CSDE1: variants seen among roughly 807,000 people sequenced by gnomAD.
CSDE1 encodes the protein cold shock domain containing E1.
Under a neutral mutation model 89.3 loss-of-function variants are expected in CSDE1, and 17 were observed. The ratio of observed to expected loss-of-function variants is 0.19; its 90% CI spans 0.13 to 0.29. The LOEUF is 0.29. CSDE1 is among the 10% of genes least tolerant of loss of function. The probability of loss-of-function intolerance (pLI) is 1.00; values close to 1 mark genes in which losing one functional copy is unlikely to be tolerated. For synonymous variants in CSDE1, 322 were observed against 332.8 expected, an observed-to-expected ratio of 0.97 and a Z score of 0.35; for missense variants, 672 against 984.2, an observed-to-expected ratio of 0.68 and a Z score of 4.24.
In CSDE1 at chr1:114,730,696, G is replaced by T. The variant is rs770467388; in HGVS notation, c.1051-48C>A. ...ACTGGCTGTGAAACTTGTCAAGAAG[G>T]CAACATTCAACTTTACAACCACCAT... On this transcript the variant is annotated intron_variant, in intron 10 of 19. Coordinates refer to ENST00000358528, the MANE Select transcript of CSDE1 (RefSeq NM_001007553.3). The T allele has an allele frequency of 1.9e-6, 3 of 1,603,586 alleles. No homozygotes were observed. In the African/African-American group the frequency reaches 4.0e-5, roughly 21 times the overall value.
intron 15 of CSDE1, 79 bp from the exon 16 acceptor site, chr1:114,724,081 A>G: frequency 1.3e-6 from 2 of 1,492,894 alleles, no homozygotes; most frequent in Non-Finnish European, 1.8e-6. Context: ...AAAAAATAAC[A>G]GCACAAATGT....
At chr1:114,727,259 C>T (rs1016883753) in intron 12 of CSDE1, among the ~76,000 whole-genome samples, 169 bp from the exon 13 acceptor site, 4 of 152,152 alleles carry the variant, frequency 2.6e-5, no homozygotes, top group African/African-American at 9.7e-5. Context: ...GGTAGTCTTG[C>T]CTTAAGCCTA....
intron 16 of CSDE1, among the ~76,000 whole-genome samples, chr1:114,721,526 A>G (rs1267999928): frequency 6.6e-6 from 1 of 152,206 alleles, no homozygotes; most frequent in African/African-American, 2.4e-5. Context: ...AAAACATGAG[A>G]AAAACAGGTG....
intron 17 of CSDE1, 146 bp downstream of exon 17, chr1:114,720,393 G>T: frequency 1.4e-6 from 1 of 723,762 alleles, no homozygotes; most frequent in Non-Finnish European, 2.2e-6. Flanking sequence ...TTTTTATTAA[G>T]CTACCTCAAA....
At chr1:114,730,795 A>G in intron 10 of CSDE1, 147 bp from the exon 11 acceptor site, 1 of 948,804 alleles carries the variant, frequency 1.1e-6, no homozygotes, top group South Asian at 1.7e-5. Flanking sequence ...TTCTCACTTA[A>G]GTACAAACTC....
At chr1:114,757,317 T>C (rs139175709) in intron 1 of CSDE1, among the ~76,000 whole-genome samples, 86 of 152,192 alleles carry the variant, frequency 5.7e-4, no homozygotes, top group Non-Finnish European at 7.8e-4. Flanking sequence ...GATATCTAGA[T>C]GGAGCAGGGT....
At chr1:114,757,814 C>T (rs1661700893) in intron 1 of CSDE1, 111 bp downstream of exon 1, 2 of 152,932 alleles carry the variant, frequency 1.3e-5, no homozygotes, top group Middle Eastern at 3.4e-3. Flanking sequence ...CCACCTAGAG[C>T]TCTACGAGTG....
intron 2 of CSDE1, chr1:114,741,712 T>A: frequency 1.4e-6 from 2 of 1,415,698 alleles, no homozygotes; most frequent in Non-Finnish European, 1.9e-6. Context: ...CTATGATCAA[T>A]AACAATTTAA....
intron 2 of CSDE1, among the ~76,000 whole-genome samples, chr1:114,745,801 T>C (rs1660980039): frequency 6.6e-6 from 1 of 152,232 alleles, no homozygotes; most frequent in Non-Finnish European, 1.5e-5. Flanking sequence ...AGGTCAAATT[T>C]AAACTTCATT....
At chr1:114,722,436 G>A (rs1659579513) in intron 16 of CSDE1, among the ~76,000 whole-genome samples, 1 of 152,214 alleles carries the variant, frequency 6.6e-6, no homozygotes, top group African/African-American at 2.4e-5. Flanking sequence ...TGCTAGAACG[G>A]TGTCCAGATC....
In CSDE1 at chr1:114,733,936, T is replaced by A. The variant is rs1044179202; in HGVS notation, c.711+53A>T. On this transcript the variant is annotated intron_variant, in intron 8 of 19. Coordinates refer to ENST00000358528, the MANE Select transcript of CSDE1 (RefSeq NM_001007553.3). ...TAATTTTAAGTGTTTCTTAAAAACA[T>A]AAACCAACTCTGATCTTAAAAGGCC... 1.5e-5 allele frequency: 24 copies of A among 1,607,252 alleles called. No homozygotes were observed. The Admixed American group carries it at 4.1e-4, about 27-fold the overall frequency.
chr1:114,753,617 C>G (rs1302819133), intron 1 of CSDE1, among the ~76,000 whole-genome samples: 2 of 152,140 alleles, frequency 1.3e-5, no homozygotes, highest in Admixed American at 1.3e-4. Context: ...ACTTAAGTTG[C>G]ATGAAACACT....
intron 5 of CSDE1, 31 bp downstream of exon 5, chr1:114,737,440 G>A: frequency 6.6e-7 from 1 of 1,513,510 alleles, no homozygotes. Context: ...GGTGGATCAG[G>A]CAAAGGTTTA....
At chr1:114,727,369 C>G (rs574200561) in intron 12 of CSDE1, among the ~76,000 whole-genome samples, 1 of 152,132 alleles carries the variant, frequency 6.6e-6, no homozygotes, top group African/African-American at 2.4e-5. Context: ...AATACACCTG[C>G]GCTCCTCATA....
chr1:114,748,980 C>T, intron 2 of CSDE1, among the ~76,000 whole-genome samples: 1 of 152,160 alleles, frequency 6.6e-6, no homozygotes, highest in East Asian at 1.9e-4. Context: ...CAGCAAACTT[C>T]CCTTTCATAA....
intron 12 of CSDE1, among the ~76,000 whole-genome samples, chr1:114,728,147 G>C (rs1659902317): frequency 6.6e-6 from 1 of 152,096 alleles, no homozygotes; most frequent in Admixed American, 6.6e-5. Context: ...CATCTCCATA[G>C]TTTCTCTTTT....
chr1:114,751,383 A>G (rs2101088612), intron 1 of CSDE1, among the ~76,000 whole-genome samples: 1 of 152,364 alleles, frequency 6.6e-6, no homozygotes, highest in Admixed American at 6.5e-5. Context: ...CATCAGAAGA[A>G]TGATTATCAG....
intron 18 of CSDE1, among the ~76,000 whole-genome samples, chr1:114,719,222 T>C (rs982210381): frequency 1.3e-5 from 2 of 152,244 alleles, no homozygotes; most frequent in South Asian, 2.1e-4. Context: ...CGTGGGAGAA[T>C]TGCTTAGGCC....
chr1:114,730,411 A>G lies in CSDE1; in HGVS notation c.1203T>C (p.Ser401=). Residue 401 remains serine, a synonymous_variant, in exon 12 of 20, where the codon TCT becomes TCC. Transcript: ENST00000358528. ...TCCTAATAGCATGATTTCTTTGAGC[A>G]GAGAGCATATCCTAAAAATGATAAA... The part of the protein sequence containing the change: ...VEFTVVPDML[S]AQRNHAIRIK... The G allele has an allele frequency of 2.5e-6, 4 of 1,613,776 alleles. No individual in the cohort carries two copies. The highest frequency in any genetic ancestry group is 3.4e-6 in the Non-Finnish European group (4 of 1,179,924).
Sources: allele counts gnomAD v4.1 joint callset (sites outside exome capture counted in the v4.1 genomes callset), GRCh38; gene constraint gnomAD v4.1.1; transcripts MANE v1.5; gene names NCBI Gene and HGNC (gene_info 2026-07-23, HGNC 2026-07-21).